The following EPHX2 variants were observed in gnomAD, a reference collection of about 807,000 sequenced individuals.
The protein encoded by EPHX2 is bifunctional epoxide hydrolase 2.
EPHX2 carries 74 observed loss-of-function variants against 78.7 expected under a neutral mutation model. The ratio of observed to expected loss-of-function variants is 0.94; its 90% CI spans 0.78 to 1.14. The LOEUF is 1.14. Ranked by LOEUF, EPHX2 falls within the 50% of genes most tolerant of loss-of-function variation. The pLI, the probability that EPHX2 is intolerant of heterozygous loss-of-function variation, is 0.00. For missense variants in EPHX2, 715 were observed against 702.5 expected (o/e 1.02, Z -0.20); for synonymous variants, 251 against 255.2 (o/e 0.98, Z 0.16).
chr8:27,517,307 A>G (rs890997990), intron 8 of EPHX2, among the ~76,000 whole-genome samples: 3 of 152,284 alleles, frequency 2.0e-5, no homozygotes, highest in Non-Finnish European at 2.9e-5. Context: ...GGGTACTCAT[A>G]TGACCCAAAG....
downstream of EPHX2, among the ~76,000 whole-genome samples, chr8:27,548,398 C>T (rs1356526715): frequency 1.3e-5 from 2 of 152,198 alleles, no homozygotes; most frequent in Non-Finnish European, 1.5e-5. Context: ...GTTCAAAGGA[C>T]TCCATCTGGC....
chr8:27,501,277 C>A (rs72475804), intron 2 of EPHX2, among the ~76,000 whole-genome samples: 3 of 151,434 alleles, frequency 2.0e-5, no homozygotes, highest in Non-Finnish European at 4.4e-5. Context: ...CATAAAAAAA[C>A]CTCAGTAATA....
At chr8:27,499,885 G>A (rs757133348) in intron 1 of EPHX2, among the ~76,000 whole-genome samples, 4 of 152,122 alleles carry the variant, frequency 2.6e-5, no homozygotes, top group South Asian at 2.1e-4. Context: ...GTGTGTCTGT[G>A]TCCTAATCGC....
intron 14 of EPHX2, among the ~76,000 whole-genome samples, chr8:27,540,283 A>C (rs1815354326): frequency 6.6e-6 from 1 of 152,164 alleles, no homozygotes; most frequent in South Asian, 2.1e-4. Context: ...AAAAGCCGGC[A>C]ACTGTGGTTG....
At chr8:27,492,246 G>T (rs1223017160) in intron 1 of EPHX2, among the ~76,000 whole-genome samples, 6 of 152,178 alleles carry the variant, frequency 3.9e-5, no homozygotes, top group Non-Finnish European at 7.3e-5. Context: ...TTGAGGGAAA[G>T]GCATGTAATC....
At chr8:27,511,436 G>A (rs574460549) in intron 5 of EPHX2, among the ~76,000 whole-genome samples, 4 of 152,372 alleles carry the variant, frequency 2.6e-5, no homozygotes, top group South Asian at 4.1e-4. Context: ...CAGGGGCTTC[G>A]CCTCATGCAG....
At chr8:27,542,956 T>G (rs1208155765) in intron 16 of EPHX2, among the ~76,000 whole-genome samples, 1 of 151,814 alleles carries the variant, frequency 6.6e-6, no homozygotes, top group Non-Finnish European at 1.5e-5. Context: ...TTCTGCAGTT[T>G]CCAGCTGGAT....
intron 10 of EPHX2, among the ~76,000 whole-genome samples, chr8:27,521,440 G>A (rs771961528): frequency 1.6e-4 from 24 of 152,130 alleles, no homozygotes; most frequent in Non-Finnish European, 2.9e-4. Context: ...CAGAATGGAC[G>A]GAGGGGTCAG....
At chr8:27,535,767 G>T (rs1481879092) in intron 12 of EPHX2, among the ~76,000 whole-genome samples, 1 of 152,072 alleles carries the variant, frequency 6.6e-6, no homozygotes, top group Non-Finnish European at 1.5e-5. Flanking sequence ...GGAAGGAGAG[G>T]GGAAGCAGGA....
chr8:27,528,339 G>A (rs1038617544), intron 12 of EPHX2, among the ~76,000 whole-genome samples: 1 of 152,166 alleles, frequency 6.6e-6, no homozygotes, highest in African/African-American at 2.4e-5. Context: ...AAGATACCCA[G>A]TAACCAGGTT....
chr8:27,516,582 G>A (rs1047692982), intron 8 of EPHX2, among the ~76,000 whole-genome samples, 184 bp downstream of exon 8: 13 of 152,016 alleles, frequency 8.6e-5, no homozygotes, highest in Admixed American at 7.9e-4. Flanking sequence ...AGATGCCCCT[G>A]CCCCCCACAC....
chr8:27,520,684 T>C (rs1242334665), intron 9 of EPHX2, among the ~76,000 whole-genome samples, 199 bp from the exon 10 acceptor site: 1 of 152,116 alleles, frequency 6.6e-6, no homozygotes, highest in Non-Finnish European at 1.5e-5. Context: ...ACCCGTTGGA[T>C]TAGGGCTCAC....
chr8:27,496,112 T>C (rs551818398), intron 1 of EPHX2, among the ~76,000 whole-genome samples: 1 of 152,318 alleles, frequency 6.6e-6, no homozygotes, highest in South Asian at 2.1e-4. Context: ...CATTCTTTGC[T>C]TAGAGCCCTG....
At chr8:27,544,268 G>A in intron 18 of EPHX2, 24 bp downstream of exon 18, 1 of 1,613,304 alleles carries the variant, frequency 6.2e-7, no homozygotes, top group Non-Finnish European at 8.5e-7. Flanking sequence ...GGGCTCCTGG[G>A]GTCGGGGAGA....
At chr8:27,539,308 G>T (rs1815318228) in intron 14 of EPHX2, 1 of 152,422 alleles carries the variant, frequency 6.6e-6, no homozygotes, top group Non-Finnish European at 1.5e-5. Flanking sequence ...ACTGTCACTT[G>T]TTTGGGCACG....
chr8:27,504,326 T>C (rs1277219155), intron 3 of EPHX2, among the ~76,000 whole-genome samples: 1 of 152,188 alleles, frequency 6.6e-6, no homozygotes, highest in Non-Finnish European at 1.5e-5. Flanking sequence ...TTCCCTCCTA[T>C]TGCGTGGGAA....
At chr8:27,504,379 C>A (rs1311172039) in intron 3 of EPHX2, among the ~76,000 whole-genome samples, 2 of 152,178 alleles carry the variant, frequency 1.3e-5, no homozygotes, top group African/African-American at 4.8e-5. Flanking sequence ...TCCAGCATTG[C>A]CTAGTTCTCA....
chr8:27,498,498 C>T (rs759108193), intron 1 of EPHX2, among the ~76,000 whole-genome samples: 1 of 151,974 alleles, frequency 6.6e-6, no homozygotes, highest in African/African-American at 2.4e-5. Flanking sequence ...TCCCTAGTTC[C>T]TCTTCTTTTA....
At chr8:27,513,966 G>A (rs1394134362) in intron 6 of EPHX2, among the ~76,000 whole-genome samples, 1 of 152,238 alleles carries the variant, frequency 6.6e-6, no homozygotes, top group Admixed American at 6.5e-5. Flanking sequence ...GAGAGGGTCT[G>A]CCAGATGCCC....
Sources: gnomAD v4.1 joint callset for allele counts (sites outside exome capture counted in the v4.1 genomes callset) on GRCh38, gnomAD v4.1.1 for gene constraint, MANE v1.5 for transcripts, NCBI Gene and HGNC (gene_info 2026-07-23, HGNC 2026-07-21) for gene names.